Variants in LAMC2 observed in about 807,000 individuals in gnomAD.
The protein encoded by LAMC2 is laminin subunit gamma 2.
A neutral mutation model predicts 140.2 loss-of-function variants in LAMC2; 97 were observed. The ratio of observed to expected loss-of-function variants is 0.69; its 90% CI spans 0.59 to 0.82. LAMC2 has a LOEUF of 0.82. LAMC2 is among the 40% of genes least tolerant of loss of function. The pLI is 0.00. For missense variants in LAMC2, 1,402 were observed against 1,476.1 expected (o/e 0.95, Z 0.82); for synonymous variants, 513 against 540.2 (o/e 0.95, Z 0.70).
At chr1:183,239,973 T>G (rs1390996438) in intron 20 of LAMC2, 67 bp from the exon 21 acceptor site, 2 of 1,567,074 alleles carry the variant, frequency 1.3e-6, no homozygotes, top group Non-Finnish European at 1.8e-6. Flanking sequence ...TCTATGGTTG[T>G]CTTTGGGATG....
intron 4 of LAMC2, among the ~76,000 whole-genome samples, chr1:183,220,219 G>C (rs1034925673): frequency 6.6e-6 from 1 of 152,158 alleles, no homozygotes; most frequent in East Asian, 1.9e-4. Context: ...GGATTGAGCT[G>C]GGAGCAGAGG....
At chr1:183,248,891 A>AGTGT (rs71555406), downstream of LAMC2, 9,192 of 142,620 alleles carry the variant, frequency 0.064, 295 homozygotes, top group South Asian at 0.094. Context: ...CCCCTAAAAG[A>AGTGT]GTGTGTGTGT....
rs766625159 is a variant in LAMC2, at chr1:183,188,358, G to T, written c.79+1927G>T. Among the ~76,000 whole-genome samples the T allele has an allele frequency of 9.0e-4, 137 of 152,348 alleles. 1 individual carries two copies. The highest frequency in any genetic ancestry group is 7.2e-4 in the Admixed American group (11 of 15,300). On this transcript the variant is annotated intron_variant, in intron 1 of 22. Coordinates refer to ENST00000264144, the MANE Select transcript of LAMC2 (RefSeq NM_005562.3). ...TGTCTCAAAGTGACCGTGTCTGAGT[G>T]TCCTGTGGGCTGCACATATGAGAAC...
chr1:183,246,192 G>T (rs928472275), downstream of LAMC2, among the ~76,000 whole-genome samples: 1 of 150,100 alleles, frequency 6.7e-6, no homozygotes, highest in South Asian at 2.1e-4. Context: ...AAAAAAGGTC[G>T]TAAGACTGTC....
At chr1:183,204,780 G>A (rs1558083050) in intron 1 of LAMC2, among the ~76,000 whole-genome samples, 4 of 152,108 alleles carry the variant, frequency 2.6e-5, no homozygotes, top group Admixed American at 1.3e-4. Context: ...TATATAATGA[G>A]CTGCCCTTAT....
At chr1:183,241,578 A>T (rs973347694) in intron 22 of LAMC2, among the ~76,000 whole-genome samples, 2 of 152,194 alleles carry the variant, frequency 1.3e-5, no homozygotes, top group African/African-American at 4.8e-5. Context: ...GGAACTAGAG[A>T]TTCGTCACAG....
intron 1 of LAMC2, among the ~76,000 whole-genome samples, chr1:183,206,694 C>CA (rs1658896251): frequency 1.3e-5 from 2 of 151,032 alleles, no homozygotes; most frequent in Non-Finnish European, 2.9e-5. Flanking sequence ...CTTGTATTGT[C>CA]AGTGCCTGAC....
downstream of LAMC2, chr1:183,249,477 A>G (rs1660315472): frequency 6.6e-6 from 1 of 152,200 alleles, no homozygotes; most frequent in Admixed American, 6.5e-5. Flanking sequence ...CCTCTGAGCC[A>G]TGCCAGTCTT....
rs1358378562 is a variant in LAMC2, at chr1:183,232,470, G to A, written c.2014+127G>A. ...TTATCTCCAGCCAGCCCTTGCAGAA[G>A]TGGAAGGACTGTCTGTGGCATTCCC... On this transcript the variant is annotated intron_variant, in intron 13 of 22. Coordinates refer to ENST00000264144, the MANE Select transcript of LAMC2 (RefSeq NM_005562.3). 5 of 1,195,438 alleles carry A rather than the reference G, an allele frequency of 4.2e-6. No individual in the cohort carries two copies. In the African/African-American group the frequency reaches 7.5e-5, roughly 18 times the overall value. The allele number at this position is 1,195,438 out of a possible 1,614,324, so 74.1% of individuals were successfully genotyped here. A position where few individuals can be genotyped will look rare whatever the true frequency, so the allele number is the denominator to read the frequency against.
At chr1:183,219,990 G>T (rs1272613325) in intron 4 of LAMC2, among the ~76,000 whole-genome samples, 1 of 152,206 alleles carries the variant, frequency 6.6e-6, no homozygotes, top group African/African-American at 2.4e-5. Context: ...GTTGGAGGGA[G>T]GTTAAATGAG....
chr1:183,239,239 C>T, intron 19 of LAMC2, 125 bp from the exon 20 acceptor site: 2 of 890,580 alleles, frequency 2.2e-6, no homozygotes, highest in African/African-American at 3.3e-5. Context: ...CGTAACTTCC[C>T]ACACCGTCAT....
intron 1 of LAMC2, among the ~76,000 whole-genome samples, chr1:183,207,229 G>C (rs1342623996): frequency 6.6e-6 from 1 of 152,074 alleles, no homozygotes; most frequent in African/African-American, 2.4e-5. Flanking sequence ...TCCGTGTTTC[G>C]CTTCTTTGCT....
At chr1:183,255,662 G>GT in the LAMC2 span, among the ~76,000 whole-genome samples, 1,203 of 100,898 alleles carry the variant, frequency 0.012, 25 homozygotes, top group East Asian at 0.056. Flanking sequence ...ATTCCTAAGG[G>GT]TTTTTTTTTT....
At chr1:183,207,828 C>G in intron 1 of LAMC2, 53 bp from the exon 2 acceptor site, 3 of 1,262,812 alleles carry the variant, frequency 2.4e-6, no homozygotes, top group African/African-American at 1.7e-5. Flanking sequence ...AGAACAGTTC[C>G]TGAGGTGTTT....
At chr1:183,234,551 C>T in intron 15 of LAMC2, 105 bp downstream of exon 15, 1 of 934,824 alleles carries the variant, frequency 1.1e-6, no homozygotes, top group South Asian at 1.4e-5. Context: ...TTATTCTCTC[C>T]AGGCTCCTTT....
In LAMC2 at chr1:183,226,936, G is replaced by T; in HGVS notation, c.1285+20G>T. On this transcript the variant is annotated intron_variant, in intron 9 of 22. Transcript: ENST00000264144. ...ACACAGGTGAGTGAAATGACACCTG[G>T]ACCAGGTGGCTGGGGTGTCATGTGG... 1.3e-6 allele frequency: 2 copies of T among 1,587,226 alleles called. No homozygotes were observed. Among genetic ancestry groups the T allele is most frequent in the South Asian group, 1.1e-5 (1 of 90,300 alleles).
Position 183,225,675 on chromosome 1 carries a change from C to A in LAMC2, c.1021C>A (p.Arg341=). Residue 341 remains arginine, a synonymous_variant, in exon 8 of 23, where the codon CGG becomes AGG. Transcript: ENST00000264144. The part of the protein sequence containing the change: ...LSYFEYRRLL[R]NLTALRIRAT... Reference sequence around the variant, plus strand: ...TTACTTTGAGTATCGAAGGTTACTGCGGAATCTCACAGCCCTCCGCATCCG... The same window carrying A: ...TTACTTTGAGTATCGAAGGTTACTGAGGAATCTCACAGCCCTCCGCATCCG... 6.2e-7 allele frequency: 1 copy of A among 1,613,818 alleles called. No homozygotes were observed. Among genetic ancestry groups the A allele is most frequent in the South Asian group, 1.1e-5 (1 of 91,074 alleles).
chr1:183,222,076 G>GT lies in LAMC2; in HGVS notation c.641-10dup, dbSNP rs540394069. ...GGCTTGTCCAATGCAGACTGATTAT[G>GT]TTTGTGTTCCAGATGTTGATGGCTG... On this transcript the variant is annotated splice_polypyrimidine_tract_variant and intron_variant, in intron 5 of 22. Transcript: ENST00000264144. 145 of 1,614,142 alleles carry GT rather than the reference G, an allele frequency of 9.0e-5. No homozygotes were observed. In the East Asian group the frequency reaches 3.2e-3, roughly 36 times the overall value.
chr1:183,254,820 CCTAT>C, the LAMC2 span, among the ~76,000 whole-genome samples: 1 of 152,172 alleles, frequency 6.6e-6, no homozygotes, highest in Admixed American at 6.5e-5. Context: ...GATATTAATC[CCTAT>C]CTGATATATG....
Sources: gnomAD v4.1 joint callset for allele counts (sites outside exome capture counted in the v4.1 genomes callset) on GRCh38, gnomAD v4.1.1 for gene constraint, MANE v1.5 for transcripts, NCBI Gene and HGNC (gene_info 2026-07-23, HGNC 2026-07-21) for gene names.